VCL: variants seen among roughly 807,000 people sequenced by gnomAD.
VCL encodes vinculin.
VCL carries 47 observed loss-of-function variants against 125.7 expected under a neutral mutation model. The ratio of observed to expected loss-of-function variants is 0.37; its 90% CI spans 0.30 to 0.48. VCL has a LOEUF of 0.48. VCL is among the 20% of genes least tolerant of loss of function. The pLI is 0.99. For missense variants in VCL, 1,069 were observed against 1,455.5 expected (o/e 0.73, Z 4.32); for synonymous variants, 458 against 514.6 (o/e 0.89, Z 1.49).
chr10:74,107,864 C>G (rs1220612857), intron 17 of VCL, among the ~76,000 whole-genome samples: 2 of 152,018 alleles, frequency 1.3e-5, no homozygotes, highest in African/African-American at 4.8e-5. Flanking sequence ...CCCACTACCC[C>G]CCGCAAGTAC....
At chr10:74,112,201 T>C (rs1189238251) in intron 19 of VCL, 89 bp downstream of exon 19, 3 of 1,539,722 alleles carry the variant, frequency 1.9e-6, no homozygotes, top group East Asian at 4.5e-5. Flanking sequence ...TGATCTGTGC[T>C]GGTCCTGTGA....
intron 1 of VCL, among the ~76,000 whole-genome samples, chr10:74,022,947 G>A (rs1840700737): frequency 6.6e-6 from 1 of 152,102 alleles, no homozygotes; most frequent in African/African-American, 2.4e-5. Context: ...GGCCCACATT[G>A]TCTCTAGATC....
intron 16 of VCL, 117 bp from the exon 17 acceptor site, chr10:74,107,113 A>G (rs776558022): frequency 6.4e-7 from 1 of 1,550,908 alleles, no homozygotes; most frequent in East Asian, 2.3e-5. Context: ...ACTGCCCGTG[A>G]TATTTACTGG....
chr10:74,096,929 G>T (rs777302802), intron 12 of VCL, among the ~76,000 whole-genome samples: 3 of 152,144 alleles, frequency 2.0e-5, no homozygotes, highest in Non-Finnish European at 4.4e-5. Context: ...TTTCATGGAG[G>T]CCACCAAAAA....
At chr10:74,083,684 C>CTTTA (rs199705227) in intron 8 of VCL, among the ~76,000 whole-genome samples, 171 bp downstream of exon 8, 10 of 151,962 alleles carry the variant, frequency 6.6e-5, no homozygotes, top group Middle Eastern at 3.2e-3. Context: ...CCTTTGCTGA[C>CTTTA]TTTATTTATT....
chr10:74,110,149 C>G (rs1840198412), intron 18 of VCL, among the ~76,000 whole-genome samples: 1 of 152,160 alleles, frequency 6.6e-6, no homozygotes, highest in African/African-American at 2.4e-5. Flanking sequence ...TGGACCTGAC[C>G]TGTAGAATTA....
chr10:74,071,181 G>C lies in VCL; in HGVS notation c.499+98G>C. On this transcript the variant is annotated intron_variant, in intron 4 of 21. Coordinates refer to ENST00000211998, the MANE Select transcript of VCL (RefSeq NM_014000.3). This position sits in a 1 kb window ranked among gnomAD's most constrained non-coding sequence, Gnocchi z 4.1. ...TTCCTACTTTTTGCAGAAGATAGGT[G>C]AAGATGCATTGGGCTTTCAGGTGTC... is the stretch of plus-strand genomic sequence containing the variant. 8.9e-7 allele frequency: 1 copy of C among 1,121,966 alleles called. No individual in the cohort carries two copies. Among genetic ancestry groups the C allele is most frequent in the Non-Finnish European group, 1.3e-6 (1 of 745,730 alleles). The allele number at this position is 1,121,966 out of a possible 1,614,324, so 69.5% of individuals were successfully genotyped here. A position where few individuals can be genotyped will look rare whatever the true frequency, so the allele number is the denominator to read the frequency against.
chr10:74,058,185 T>C (rs1841420343), intron 2 of VCL, among the ~76,000 whole-genome samples: 1 of 152,146 alleles, frequency 6.6e-6, no homozygotes, highest in African/African-American at 2.4e-5. Flanking sequence ...GAGATGACAG[T>C]GAGGGAGGTG....
rs779332764 is a variant in VCL, at chr10:74,071,082, A to G, written c.498A>G (p.Pro166=). The G allele has an allele frequency of 3.1e-6, 5 of 1,613,938 alleles. No homozygotes were observed. The highest frequency in any genetic ancestry group is 4.2e-6 in the Non-Finnish European group (5 of 1,179,818). The change falls in exon 4 of 22, where the codon CCA becomes CCG. Residue 166 remains proline, a splice_region_variant and synonymous_variant. Coordinates refer to ENST00000211998, the MANE Select transcript of VCL (RefSeq NM_014000.3). The surrounding 1 kb of genome is among the most constrained non-coding windows in gnomAD (Gnocchi z 4.1). ...DLVTYTKNLG[P]GMTKMAKMID... ...TCACTTACACAAAGAATCTTGGGCC[A>G]GGTTAGTTTTATCCAATTTCTATAA...
At chr10:74,002,986 A>ATG (rs1491030557) in intron 1 of VCL, among the ~76,000 whole-genome samples, 1 of 138,858 alleles carries the variant, frequency 7.2e-6, no homozygotes, top group African/African-American at 3.0e-5. Flanking sequence ...CTGGTCACTG[A>ATG]TATATATATA....
rs1341801774 is a variant in VCL at position 74,082,405 on chromosome 10, G to T, written c.784-49G>T. On this transcript the variant is annotated intron_variant, in intron 6 of 21. Coordinates refer to ENST00000211998, the MANE Select transcript of VCL (RefSeq NM_014000.3). ...CTTCTCTGTCTTACGTTCTATCATG[G>T]TATCTCAACTTTTGCAAAGAAAATA... The T allele has an allele frequency of 1.6e-5, 25 of 1,595,124 alleles. 1 individual carries two copies. Among genetic ancestry groups the T allele is most frequent in the Non-Finnish European group, 2.0e-5 (23 of 1,163,386 alleles).
At chr10:74,109,180 T>C in intron 18 of VCL, 24 bp downstream of exon 18, 7 of 1,613,696 alleles carry the variant, frequency 4.3e-6, no homozygotes, top group Non-Finnish European at 5.9e-6. Flanking sequence ...CTTTTCTTGT[T>C]GAGAAAGGAT....
rs1262067425 is a variant in VCL, at chr10:74,112,065, G to A, written c.2902G>A (p.Ala968Thr). The change falls in exon 19 of 22, where the codon GCC becomes ACC. Residue 968 changes from alanine (A) to threonine (T), a missense_variant. Physicochemically the swap from Ala to Thr is moderately conservative, Grantham distance 58. Coordinates refer to ENST00000211998, the MANE Select transcript of VCL (RefSeq NM_014000.3). The stretch of plus-strand genomic sequence containing the variant: ...TCAGCCGGTCAACCAGCCCATTCTG[G>A]CCGCGGCTCAGTCCTTGCATCGGGA... ...SNQPVNQPIL[A>T]AAQSLHREAT... The A allele has an allele frequency of 1.2e-6, 2 of 1,614,182 alleles. No homozygotes were observed. Among genetic ancestry groups the A allele is most frequent in the Non-Finnish European group, 1.7e-6 (2 of 1,180,036 alleles).
intron 8 of VCL, among the ~76,000 whole-genome samples, chr10:74,086,698 T>C (rs992021011): frequency 5.3e-5 from 8 of 152,210 alleles, no homozygotes; most frequent in African/African-American, 1.9e-4. Context: ...CCACCATTAA[T>C]CTGTAAAGAG....
intron 1 of VCL, among the ~76,000 whole-genome samples, chr10:74,040,427 C>T (rs953178128): frequency 1.8e-4 from 28 of 152,142 alleles, no homozygotes; most frequent in African/African-American, 6.8e-4. Context: ...GTGTCTGTGT[C>T]CCTCCTTCCC....
chr10:74,028,969 C>T (rs536621770), intron 1 of VCL, among the ~76,000 whole-genome samples: 2 of 152,116 alleles, frequency 1.3e-5, no homozygotes, highest in South Asian at 4.2e-4. Context: ...CAGCTAGGTG[C>T]CACCATGCCC....
intron 1 of VCL, among the ~76,000 whole-genome samples, chr10:74,025,345 A>G (rs1308053503): frequency 1.3e-5 from 2 of 151,890 alleles, no homozygotes; most frequent in East Asian, 3.9e-4. Context: ...AAGACACAGT[A>G]TGGCTGGGTG....
intron 1 of VCL, among the ~76,000 whole-genome samples, chr10:74,008,158 A>T (rs1187731495): frequency 6.6e-6 from 1 of 152,202 alleles, no homozygotes; most frequent in Non-Finnish European, 1.5e-5. Flanking sequence ...TTTATAACAT[A>T]TAATATTAGG....
rs1385908615 is a variant in VCL at position 74,119,516 on chromosome 10, A to G, written c.*1347A>G. On this transcript the variant is annotated 3_prime_UTR_variant, in exon 22 of 22. Coordinates refer to ENST00000211998, the MANE Select transcript of VCL (RefSeq NM_014000.3). ...GTTTCATATTTCTTATCACCACAGT[A>G]AGTTCCTACTAGGCAAAATGAGAGG... 6.6e-6 allele frequency: 1 copy of G among 152,222 alleles called. No individual in the cohort carries two copies. Among genetic ancestry groups the G allele is most frequent in the Non-Finnish European group, 1.5e-5 (1 of 68,044 alleles). 9.4% of individuals were successfully genotyped at this position (152,222 alleles called of 1,614,324 possible). A position where few individuals can be genotyped will look rare whatever the true frequency, so the allele number is the denominator to read the frequency against.
Sources: gnomAD v4.1 joint callset for allele counts (sites outside exome capture counted in the v4.1 genomes callset) on GRCh38, gnomAD v4.1.1 for gene constraint, Gnocchi (gnomAD v3.1) non-coding constraint, MANE v1.5 for transcripts, NCBI Gene and HGNC (gene_info 2026-07-23, HGNC 2026-07-21) for gene names.